Variants in LHFPL1 observed in about 807,000 individuals in gnomAD.
LHFPL1 encodes the protein LHFPL tetraspan subfamily member 1, also known as LHFPL tetraspan subfamily member 1 protein.
A neutral mutation model predicts 12.1 loss-of-function variants in LHFPL1; 4 were observed. That is an observed-to-expected ratio of 0.33 (90% CI 0.16 to 0.76). LHFPL1 has a LOEUF of 0.76. Ranked by LOEUF, LHFPL1 falls within the 30% of genes least tolerant of loss-of-function variation. The pLI, the probability that LHFPL1 is intolerant of heterozygous loss-of-function variation, is 0.61. For missense variants in LHFPL1, 141 were observed against 174.1 expected (o/e 0.81, Z 1.07); for synonymous variants, 52 against 61.9 (o/e 0.84, Z 0.75).
intron 3 of LHFPL1, among the ~76,000 whole-genome samples, chrX:112,652,016 C>G (rs1930868290): frequency 8.8e-6 from 1 of 113,028 alleles, no homozygotes; most frequent in Non-Finnish European, 1.9e-5. Context: ...ACAACATGTG[C>G]TTTCGCACAT....
chrX:112,648,341 C>T (rs1930757346), intron 3 of LHFPL1, among the ~76,000 whole-genome samples: 1 of 111,289 alleles, frequency 9.0e-6, no homozygotes. Flanking sequence ...AAAGAATATC[C>T]TTAATAATGT....
chrX:112,656,522 T>C (rs1931006638), intron 3 of LHFPL1, among the ~76,000 whole-genome samples: 1 of 111,640 alleles, frequency 9.0e-6, no homozygotes, highest in African/African-American at 3.3e-5. Flanking sequence ...CAAGGGCAAT[T>C]AGGCAAGGAA....
At chrX:112,679,541 C>A (rs759664833) in intron 1 of LHFPL1, among the ~76,000 whole-genome samples, 1 of 111,882 alleles carries the variant, frequency 8.9e-6, no homozygotes, top group Non-Finnish European at 1.9e-5. Flanking sequence ...AGGTTACCAA[C>A]TCCCCTGGGG....
chrX:112,644,453 TTGTGTG>T (rs111620839), intron 3 of LHFPL1, among the ~76,000 whole-genome samples: 3 of 104,794 alleles, frequency 2.9e-5, no homozygotes, highest in East Asian at 5.9e-4. Context: ...TTTCTCCTGT[TTGTGTG>T]TGTGTGTGTG....
intron 3 of LHFPL1, among the ~76,000 whole-genome samples, chrX:112,659,527 G>A (rs182925322): frequency 4.0e-4 from 44 of 111,160 alleles, no homozygotes; most frequent in Admixed American, 1.4e-3. Context: ...ACTAAAACCC[G>A]GTGATTATAT....
At chrX:112,659,994 C>T (rs1931128832) in intron 3 of LHFPL1, among the ~76,000 whole-genome samples, 1 of 112,223 alleles carries the variant, frequency 8.9e-6, no homozygotes, top group Non-Finnish European at 1.9e-5. Context: ...GAAACCTAGA[C>T]ATTCCCTCTC....
At chrX:112,655,754 A>G (rs1415006249) in intron 3 of LHFPL1, among the ~76,000 whole-genome samples, 1 of 111,284 alleles carries the variant, frequency 9.0e-6, no homozygotes, top group Non-Finnish European at 1.9e-5. Context: ...TTTTTTGTAA[A>G]GAGAGGGTTT....
chrX:112,671,898 C>T (rs1174431066), intron 1 of LHFPL1, among the ~76,000 whole-genome samples: 1 of 111,436 alleles, frequency 9.0e-6, no homozygotes, highest in African/African-American at 3.3e-5. Flanking sequence ...AGGAAGACAA[C>T]TTATCAAGAC....
chrX:112,675,133 G>A (rs1240889424), intron 1 of LHFPL1, among the ~76,000 whole-genome samples: 1 of 111,181 alleles, frequency 9.0e-6, no homozygotes, highest in Non-Finnish European at 1.9e-5. Context: ...TGGGGGGAAG[G>A]CGAGGGATAA....
chrX:112,673,237 C>G (rs967612473), intron 1 of LHFPL1, among the ~76,000 whole-genome samples: 21 of 111,514 alleles, frequency 1.9e-4, no homozygotes, highest in Admixed American at 6.7e-4. Context: ...GAGCAGAGAT[C>G]GTAAATTGCA....
chrX:112,649,244 T>G (rs2147708838), intron 3 of LHFPL1, among the ~76,000 whole-genome samples: 1 of 112,432 alleles, frequency 8.9e-6, no homozygotes, highest in South Asian at 3.7e-4. Flanking sequence ...TTCATTTGCT[T>G]TATATTTGGA....
intron 3 of LHFPL1, among the ~76,000 whole-genome samples, chrX:112,649,850 A>G (rs1930801609): frequency 9.0e-6 from 1 of 111,191 alleles, no homozygotes; most frequent in African/African-American, 3.3e-5. Context: ...TTTTGTCATA[A>G]TATGTATATT....
chrX:112,643,187 T>C (rs760273149), intron 3 of LHFPL1, among the ~76,000 whole-genome samples: 147 of 107,369 alleles, frequency 1.4e-3, no homozygotes, highest in Non-Finnish European at 2.5e-3. Flanking sequence ...GAGACCAGCC[T>C]GACCAACATG....
At chrX:112,643,378 CAAAAA>C (rs1164744066) in intron 3 of LHFPL1, among the ~76,000 whole-genome samples, 10 of 38,948 alleles carry the variant, frequency 2.6e-4, no homozygotes, top group South Asian at 1.7e-3. Context: ...GACTCCGTCT[CAAAAA>C]AAAAAAAAAA....
chrX:112,658,706 C>T (rs4468070), intron 3 of LHFPL1, among the ~76,000 whole-genome samples: 37,341 of 110,342 alleles, frequency 0.34, 6,883 homozygotes, highest in African/African-American at 0.72. Context: ...TGCAGTCATT[C>T]TGGAAAGCCT....
chrX:112,658,443 AG>A (rs1931077453), intron 3 of LHFPL1, among the ~76,000 whole-genome samples: 1 of 105,790 alleles, frequency 9.5e-6, no homozygotes. Context: ...AAAAAAAAAA[AG>A]AAAAAAGAAA....
chrX:112,676,847 A>ATCCTTTTGTTGGG (rs1931668704), intron 1 of LHFPL1, among the ~76,000 whole-genome samples: 2 of 111,981 alleles, frequency 1.8e-5, no homozygotes, highest in Non-Finnish European at 3.8e-5. Flanking sequence ...CTAAGGCCAG[A>ATCCTTTTGTTGGG]TCCTTTTGTT....
chrX:112,639,493 C>G (rs1358263055), intron 3 of LHFPL1, among the ~76,000 whole-genome samples: 2 of 111,573 alleles, frequency 1.8e-5, no homozygotes, highest in Non-Finnish European at 3.8e-5. Context: ...AAGACCAGGA[C>G]ACTTGCTAGA....
chrX:112,635,996 C>T (rs996596635), intron 3 of LHFPL1, among the ~76,000 whole-genome samples: 44 of 111,106 alleles, frequency 4.0e-4, no homozygotes, highest in African/African-American at 1.2e-3. Flanking sequence ...CAAGGTTTCT[C>T]GACCTTGGCG....
Sources: gnomAD v4.1 joint callset for allele counts (sites outside exome capture counted in the v4.1 genomes callset) on GRCh38, gnomAD v4.1.1 for gene constraint, MANE v1.5 for transcripts, NCBI Gene and HGNC (gene_info 2026-07-23, HGNC 2026-07-21) for gene names.